The following CUL2 variants were observed in gnomAD, a reference collection of about 807,000 sequenced individuals.
The protein encoded by CUL2 is cullin-2.
Under a neutral mutation model 110.2 loss-of-function variants are expected in CUL2, and 22 were observed. That is an observed-to-expected ratio of 0.20 (90% CI 0.14 to 0.28). CUL2 has a LOEUF of 0.28. Among genes scored for constraint, CUL2 ranks in the 10% least tolerant of loss-of-function variants. The pLI, the probability that CUL2 is intolerant of heterozygous loss-of-function variation, is 1.00. For synonymous variants in CUL2, 279 were observed against 293.2 expected (o/e 0.95, Z 0.49); for missense variants, 631 against 905.5 (o/e 0.70, Z 3.89).
At chr10:35,062,097 T>C (rs559087589) in intron 3 of CUL2, among the ~76,000 whole-genome samples, 10 of 152,334 alleles carry the variant, frequency 6.6e-5, no homozygotes, top group East Asian at 1.9e-4. Flanking sequence ...ACGCAGGCAC[T>C]AAATTATCTC....
chr10:35,040,733 G>A (rs1423264997), intron 8 of CUL2, among the ~76,000 whole-genome samples: 2 of 152,136 alleles, frequency 1.3e-5, no homozygotes, highest in South Asian at 2.1e-4. Context: ...GACGGAGTGC[G>A]GGCGGCATTG....
At chr10:35,053,305 A>G (rs918685445) in intron 5 of CUL2, among the ~76,000 whole-genome samples, 6 of 152,176 alleles carry the variant, frequency 3.9e-5, no homozygotes, top group Non-Finnish European at 5.9e-5. Flanking sequence ...CTTTTTCTCT[A>G]TATCATCTTT....
chr10:35,024,027 GT>G (rs2085272919), intron 17 of CUL2, among the ~76,000 whole-genome samples: 1 of 152,026 alleles, frequency 6.6e-6, no homozygotes, highest in Admixed American at 6.6e-5. Context: ...GTAGAGACAG[GT>G]TTTGTCATGT....
rs546399183 is a variant in CUL2, at chr10:35,097,518, C to G, written c.167+3326G>C. 7.4e-5 allele frequency among the ~76,000 whole-genome samples: 11 copies of G among 148,024 alleles called. No homozygotes were observed. The East Asian group carries it at 2.2e-3, about 30-fold the overall frequency. Reference sequence around the variant, plus strand: ...AAAAAAAAAAAAAAAAAAGAACTTACAGTGGTGCAATCTGACAAATACCCT... The same window carrying G: ...AAAAAAAAAAAAAAAAAAGAACTTAGAGTGGTGCAATCTGACAAATACCCT... On this transcript the variant is annotated intron_variant, in intron 2 of 5. Coordinates refer to the CUL2 transcript ENST00000685421.
upstream of CUL2, among the ~76,000 whole-genome samples, chr10:35,092,339 G>C (rs988600420): frequency 6.6e-6 from 1 of 152,230 alleles, no homozygotes; most frequent in Non-Finnish European, 1.5e-5. Flanking sequence ...CAGGGATCAA[G>C]ACAGTGCCAC....
chr10:35,103,145 ATT>A (rs1012952854), intron 1 of CUL2, among the ~76,000 whole-genome samples: 2 of 150,686 alleles, frequency 1.3e-5, no homozygotes, highest in African/African-American at 4.9e-5. Flanking sequence ...ACTCAAAAAA[ATT>A]TTTTTTTGTT....
At chr10:35,056,006 C>T (rs1477644856) in intron 4 of CUL2, among the ~76,000 whole-genome samples, 7 of 152,208 alleles carry the variant, frequency 4.6e-5, no homozygotes, top group Admixed American at 2.6e-4. Flanking sequence ...AGGAGTTAGC[C>T]TTCACTTCCC....
intron 1 of CUL2, chr10:35,074,191 C>G: frequency 2.6e-6 from 4 of 1,535,434 alleles, no homozygotes; most frequent in Non-Finnish European, 3.5e-6. Context: ...AAATAACCTA[C>G]CTAAGCCAAA....
intron 17 of CUL2, among the ~76,000 whole-genome samples, chr10:35,018,763 C>CAAAAA (rs35275515): frequency 8.5e-6 from 1 of 117,388 alleles, no homozygotes; most frequent in African/African-American, 3.3e-5. Flanking sequence ...AACTCCGTCT[C>CAAAAA]AAAAAAAAAA....
At chr10:35,087,665 C>T (rs1401570529) in intron 1 of CUL2, among the ~76,000 whole-genome samples, 1 of 152,136 alleles carries the variant, frequency 6.6e-6, no homozygotes, top group Non-Finnish European at 1.5e-5. Context: ...CCAGAATTGA[C>T]CCATCCCAAC....
Position 35,037,794 on chromosome 10 carries a change from G to A in CUL2, c.877+1126C>T, listed in dbSNP as rs534373820. Reference sequence around the variant, plus strand: ...GGAGGCAGAGGTTATAGTGAACAGAGATCGCGCCACTGCATTATAGCCTGG... The same window carrying A: ...GGAGGCAGAGGTTATAGTGAACAGAAATCGCGCCACTGCATTATAGCCTGG... On this transcript the variant is annotated intron_variant, in intron 9 of 20. Transcript: ENST00000374749. Among the ~76,000 whole-genome samples, 6 of 152,242 alleles carry A rather than the reference G, an allele frequency of 3.9e-5. No individual in the cohort carries two copies. The South Asian group carries it at 8.3e-4, about 21-fold the overall frequency.
intron 2 of CUL2, 139 bp from the exon 3 acceptor site, chr10:35,063,201 T>C: frequency 1.9e-6 from 1 of 524,248 alleles, no homozygotes; most frequent in Non-Finnish European, 3.4e-6. Context: ...CTGTTGTATA[T>C]ATGACAAGAT....
chr10:35,017,759 T>C (rs2085073378), intron 17 of CUL2, among the ~76,000 whole-genome samples: 4 of 151,596 alleles, frequency 2.6e-5, no homozygotes, highest in South Asian at 2.1e-4. Context: ...GCAAGTATTA[T>C]GTATACTACA....
intron 5 of CUL2, among the ~76,000 whole-genome samples, chr10:35,053,503 T>C (rs2086164412): frequency 6.6e-6 from 1 of 152,242 alleles, no homozygotes; most frequent in South Asian, 2.1e-4. Flanking sequence ...TATTGCTGAA[T>C]GTTGGATGCT....
At chr10:35,065,606 G>A (rs572938215) in intron 2 of CUL2, among the ~76,000 whole-genome samples, 4 of 151,102 alleles carry the variant, frequency 2.6e-5, no homozygotes, top group African/African-American at 7.3e-5. Flanking sequence ...GCTACAGAGC[G>A]AGACTCCATC....
At chr10:35,051,016 A>G (rs955687636) in intron 5 of CUL2, among the ~76,000 whole-genome samples, 2 of 152,242 alleles carry the variant, frequency 1.3e-5, no homozygotes, top group African/African-American at 2.4e-5. Context: ...TCTGCTGGAC[A>G]TAAAATAGTG....
chr10:35,024,129 C>T (rs2085277611), intron 17 of CUL2, among the ~76,000 whole-genome samples: 1 of 152,122 alleles, frequency 6.6e-6, no homozygotes, highest in Non-Finnish European at 1.5e-5. Context: ...GCCACTGCAC[C>T]TAGCCAAAAG....
chr10:35,098,138 A>G (rs774783572), intron 2 of CUL2: 22 of 152,148 alleles, frequency 1.4e-4, no homozygotes, highest in Non-Finnish European at 2.5e-4. Context: ...TTAAAAGGAA[A>G]TATAAAAAGT....
intron 1 of CUL2, among the ~76,000 whole-genome samples, chr10:35,106,374 C>A (rs982925632): frequency 6.6e-6 from 1 of 151,344 alleles, no homozygotes; most frequent in African/African-American, 2.4e-5. Context: ...GGCTGGAGTG[C>A]AGTGGCGCGA....
Sources: allele counts gnomAD v4.1 joint callset (sites outside exome capture counted in the v4.1 genomes callset), GRCh38; gene constraint gnomAD v4.1.1; transcripts MANE v1.5; gene names NCBI Gene and HGNC (gene_info 2026-07-23, HGNC 2026-07-21).